Variants in ESPNL observed in about 807,000 individuals in gnomAD.
ESPNL encodes the protein espin-like protein.
ESPNL carries 49 observed loss-of-function variants against 46.8 expected under a neutral mutation model. The ratio of observed to expected loss-of-function variants is 1.05; its 90% CI spans 0.83 to 1.33. The LOEUF is 1.33. ESPNL is among the 40% of genes most tolerant of loss of function. ESPNL has a pLI of 0.00. For missense variants in ESPNL, 1,540 were observed against 1,436.6 expected (o/e 1.07, Z -1.16); for synonymous variants, 664 against 662.1 (o/e 1.00, Z -0.04).
At position 238,117,034 on chromosome 2, in the gene ESPNL, G is replaced by C; in HGVS notation, c.987G>C (p.Pro329=). The C allele has an allele frequency of 6.2e-7, 1 of 1,608,194 alleles. No homozygotes were observed. The highest frequency in any genetic ancestry group is 8.5e-7 in the Non-Finnish European group (1 of 1,177,948). The change falls in exon 5 of 9, where the codon CCG becomes CCC. Residue 329 remains proline (P), a splice_region_variant and synonymous_variant. Coordinates refer to ENST00000343063, the MANE Select transcript of ESPNL (RefSeq NM_194312.4). ...AGTACCTGCGGGAGGTGGCCCAGCC[G>C]GTAAGGCTCAGGGTCCCCAGCTGCC... ...CAQYLREVAQ[P]VPLLMTPPPP...
intron 4 of ESPNL, among the ~76,000 whole-genome samples, chr2:238,111,796 C>T (rs932452983): frequency 3.3e-5 from 5 of 152,070 alleles, no homozygotes; most frequent in African/African-American, 1.2e-4. Flanking sequence ...GATATGTATA[C>T]CCAGCATTAG....
rs773748908 is a variant in ESPNL, at chr2:238,107,933, G to T, written c.815G>T (p.Gly272Val). The T allele has an allele frequency of 3.7e-6, 6 of 1,612,636 alleles. No homozygotes were observed. In the East Asian group the frequency reaches 1.3e-4, roughly 36 times the overall value. The change falls in exon 4 of 9, where the codon GGG becomes GTG. Residue 272 changes from glycine to valine, a missense_variant. Transcript: ENST00000343063. ...GTPILRDSWG[G>V]TPLHDAAENG... ...CCCATCCTGAGAGACTCCTGGGGTG[G>T]GACCCCCCTCCACGACGCAGCAGAG...
intron 2 of ESPNL, among the ~76,000 whole-genome samples, chr2:238,104,066 G>T (rs945907826): frequency 1.3e-5 from 2 of 152,088 alleles, no homozygotes; most frequent in Non-Finnish European, 2.9e-5. Context: ...CAGGTGTGGG[G>T]GTGCTCGTGA....
intron 5 of ESPNL, among the ~76,000 whole-genome samples, chr2:238,123,723 G>A (rs995739669): frequency 6.6e-6 from 1 of 152,200 alleles, no homozygotes; most frequent in South Asian, 2.1e-4. Flanking sequence ...TCTGCAGTTC[G>A]CGTCTGAGGG....
At chr2:238,105,319 G>A (rs1691571291) in intron 3 of ESPNL, among the ~76,000 whole-genome samples, 1 of 152,096 alleles carries the variant, frequency 6.6e-6, no homozygotes, top group African/African-American at 2.4e-5. Context: ...TGAGGTTGGG[G>A]AGGTGCCATC....
chr2:238,126,632 TTC>T (rs1328453642), intron 6 of ESPNL, among the ~76,000 whole-genome samples: 1 of 149,090 alleles, frequency 6.7e-6, no homozygotes, highest in East Asian at 2.0e-4. Context: ...TGTGTGTCTG[TTC>T]TGTGTTTCTG....
At chr2:238,121,166 G>T (rs901081304) in intron 5 of ESPNL, among the ~76,000 whole-genome samples, 18 of 152,170 alleles carry the variant, frequency 1.2e-4, no homozygotes, top group African/African-American at 4.3e-4. Context: ...GGTCTTGAAG[G>T]CCAGGGGCTG....
intron 5 of ESPNL, among the ~76,000 whole-genome samples, chr2:238,124,844 T>G (rs1419883250): frequency 6.6e-6 from 1 of 151,900 alleles, no homozygotes; most frequent in Non-Finnish European, 1.5e-5. Context: ...TACATGCATG[T>G]GTGTGCAGGA....
chr2:238,110,426 A>G (rs4663288), intron 4 of ESPNL, among the ~76,000 whole-genome samples: 28 of 312 alleles, frequency 0.09, 9 homozygotes, highest in East Asian at 0.17. Flanking sequence ...CCCATTTAGG[A>G]TGCCATATGT....
At chr2:238,104,452 A>T (rs1691549486) in intron 2 of ESPNL, among the ~76,000 whole-genome samples, 1 of 152,218 alleles carries the variant, frequency 6.6e-6, no homozygotes. Context: ...GAGTCCCCAG[A>T]AAAGGACAGG....
intron 2 of ESPNL, among the ~76,000 whole-genome samples, chr2:238,103,652 C>G (rs1691534336): frequency 6.6e-6 from 1 of 152,222 alleles, no homozygotes; most frequent in Non-Finnish European, 1.5e-5. Context: ...TGGACACCAC[C>G]TGTTCCAACC....
intron 6 of ESPNL, among the ~76,000 whole-genome samples, chr2:238,127,111 ATGTGATTGTGTCTGTGTCTG>A (rs1372310057): frequency 2.0e-4 from 14 of 69,148 alleles, no homozygotes; most frequent in African/African-American, 9.2e-4. Flanking sequence ...TCTGTATGTG[ATGTGATTGTGTCTGTGTCTG>A]TGTGATTGTG....
rs1160050720 is a variant in ESPNL at position 238,128,920 on chromosome 2, G to A, written c.1413+16G>A. The A allele has an allele frequency of 1.2e-5, 19 of 1,528,400 alleles. No homozygotes were observed. Among genetic ancestry groups the A allele is most frequent in the Non-Finnish European group, 1.7e-5 (19 of 1,138,896 alleles). The allele number at this position is 1,528,400 out of a possible 1,614,324, so 94.7% of individuals were successfully genotyped here. A position where few individuals can be genotyped will look rare whatever the true frequency, so the allele number is the denominator to read the frequency against. ...AGAGGCCCAGGTAGGCCCCCGGCAG[G>A]GGCGGGACCAGTGGGCGGGGCGGGG... is the stretch of plus-strand genomic sequence containing the variant. On this transcript the variant is annotated intron_variant, in intron 8 of 8. Transcript: ENST00000343063.
intron 2 of ESPNL, 85 bp from the exon 3 acceptor site, chr2:238,104,571 G>A: frequency 7.3e-7 from 1 of 1,369,434 alleles, no homozygotes; most frequent in African/African-American, 1.5e-5. Flanking sequence ...GGCAGGGCCA[G>A]GGGGCAGCGG....
rs1692353044 is a variant in ESPNL, at chr2:238,131,981, C to T, written c.*249C>T. 2.2e-6 allele frequency: 1 copy of T among 444,802 alleles called. No homozygotes were observed. The highest frequency in any genetic ancestry group is 3.9e-5 in the Admixed American group (1 of 25,436). The allele number at this position is 444,802 out of a possible 1,614,324, so 27.6% of individuals were successfully genotyped here. A position where few individuals can be genotyped will look rare whatever the true frequency, so the allele number is the denominator to read the frequency against. On this transcript the variant is annotated 3_prime_UTR_variant, in exon 9 of 9. Transcript: ENST00000343063. ...TCCTGAAGTGAGGCAATGGGCCACC[C>T]CAGTCCAGGGCACCTCTGCCCAGCC...
Position 238,131,614 on chromosome 2 carries a change from G to A in ESPNL, c.2900G>A (p.Arg967Gln), listed in dbSNP as rs200897819. ...PCSGPEPTAQ[R>Q]LGSRSQQGSF... ...AGCGGCCCTGAGCCCACAGCACAGC[G>A]GCTGGGGTCCCGCTCCCAGCAGGGC... The change falls in exon 9 of 9, where the codon CGG (arginine) becomes CAG (glutamine). Residue 967 changes from arginine to glutamine, a missense_variant. Transcript: ENST00000343063. The A allele has an allele frequency of 1.6e-5, 26 of 1,611,574 alleles. No homozygotes were observed. Among genetic ancestry groups the A allele is most frequent in the African/African-American group, 1.1e-4 (8 of 75,016 alleles).
intron 5 of ESPNL, among the ~76,000 whole-genome samples, chr2:238,124,537 G>A (rs1464099766): frequency 1.3e-5 from 2 of 152,160 alleles, no homozygotes; most frequent in African/African-American, 4.8e-5. Context: ...GGAGGGGGGT[G>A]TGCGGGAGAG....
chr2:238,110,840 A>G (rs1368116524), intron 4 of ESPNL, among the ~76,000 whole-genome samples: 2 of 152,078 alleles, frequency 1.3e-5, no homozygotes, highest in African/African-American at 2.4e-5. Flanking sequence ...GCTTTTTCCC[A>G]TTTAAAAATA....
Position 238,127,643 on chromosome 2 carries a change from G to A in ESPNL, c.1124G>A (p.Trp375Ter). ...GCAGCCATGTCCCTCAGCCCGGCCT[G>A]GCCTGGCCATCCTGACCAGCCTCTT... is the stretch of plus-strand genomic sequence containing the variant. ...NPSPMSLSPA[W>*]PGHPDQPLPR... The change falls in exon 7 of 9, where the codon TGG (tryptophan) becomes TAG (stop). Residue 375 changes from tryptophan to a stop codon, truncating the protein, a stop_gained. Coordinates refer to ENST00000343063, the MANE Select transcript of ESPNL (RefSeq NM_194312.4). LOFTEE classifies it high-confidence loss of function. 6.2e-7 allele frequency: 1 copy of A among 1,609,318 alleles called. No individual in the cohort carries two copies. The highest frequency in any genetic ancestry group is 8.5e-7 in the Non-Finnish European group (1 of 1,178,340).
Sources: allele counts gnomAD v4.1 joint callset (sites outside exome capture counted in the v4.1 genomes callset), GRCh38; gene constraint gnomAD v4.1.1; transcripts MANE v1.5; gene names NCBI Gene and HGNC (gene_info 2026-07-23, HGNC 2026-07-21).